The following ELAC2 variants were observed in gnomAD, a reference collection of about 807,000 sequenced individuals.
ELAC2 encodes the protein elaC ribonuclease Z 2.
ELAC2 carries 92 observed loss-of-function variants against 105.2 expected under a neutral mutation model. The observed-to-expected ratio is 0.87, with a 90% CI of 0.74 to 1.04. The LOEUF is 1.04. Among genes scored for constraint, ELAC2 ranks in the 50% least tolerant of loss-of-function variants. The probability of loss-of-function intolerance (pLI) is 0.00; values close to 1 mark genes in which losing one functional copy is unlikely to be tolerated. For missense variants in ELAC2, 1,099 were observed against 1,071.7 expected, an observed-to-expected ratio of 1.03 and a Z score of -0.36; for synonymous variants, 468 against 409.1, an observed-to-expected ratio of 1.14 and a Z score of -1.74.
rs2040937055 is a variant in ELAC2, at chr17:13,003,496, G to A, written c.1062C>T (p.Tyr354=). 6.2e-7 allele frequency: 1 copy of A among 1,614,174 alleles called. No homozygotes were observed. The highest frequency in any genetic ancestry group is 8.5e-7 in the Non-Finnish European group (1 of 1,180,026). The change falls in exon 12 of 24, where the codon TAC becomes TAT. Residue 354 remains tyrosine (Y), a synonymous_variant. Coordinates refer to ENST00000338034, the MANE Select transcript of ELAC2 (RefSeq NM_018127.7). ...APASVLVDSR[Y]QQWMERFGPD... ...CTCCATACCTCTCCATCCACTGCTG[G>A]TACCTGCTGTCCACAAGCACAGATG...
intron 3 of ELAC2, 118 bp downstream of exon 3, chr17:13,016,744 A>C (rs9914909): frequency 2.1e-6 from 2 of 940,924 alleles, no homozygotes; most frequent in African/African-American, 1.9e-5. Flanking sequence ...CACGCCACTG[A>C]CAAAAAAAAA....
intron 9 of ELAC2, 31 bp downstream of exon 9, chr17:13,005,890 A>T (rs1281828183): frequency 6.2e-7 from 1 of 1,614,038 alleles, no homozygotes; most frequent in African/African-American, 1.3e-5. Flanking sequence ...GTACCCAGTG[A>T]GTCCCCAGAA....
In ELAC2 at chr17:13,002,305, A is replaced by G. The variant is rs1452622877; in HGVS notation, c.1273T>C (p.Tyr425His). 2 of 1,614,200 alleles carry G rather than the reference A, an allele frequency of 1.2e-6. No homozygotes were observed. The highest frequency in any genetic ancestry group is 2.2e-5 in the South Asian group (2 of 91,086). Residue 425 changes from tyrosine to histidine, a missense_variant, in exon 14 of 24, where the codon TAC (tyrosine) becomes CAC (histidine). Coordinates refer to ENST00000338034, the MANE Select transcript of ELAC2 (RefSeq NM_018127.7). ...CACTCCCTCCTGGGACGGAGCTGGT[A>G]CTTGAGGAGGCATTCACCCTGAACC... Reference protein sequence around the residue: ...PMVQGECLLKYQLRPRREWQR... With the variant: ...PMVQGECLLKHQLRPRREWQR...
rs572887523 is a variant in ELAC2 at position 13,012,282 on chromosome 17, C to A, written c.560-500G>T. Among the ~76,000 whole-genome samples, 3 of 152,324 alleles carry A rather than the reference C, an allele frequency of 2.0e-5. No homozygotes were observed. The East Asian group carries it at 5.8e-4, about 29-fold the overall frequency. On this transcript the variant is annotated intron_variant, in intron 6 of 23. Transcript: ENST00000338034. ...CAAAACTGAGCATGTTAACATCGAT[C>A]ACGCAAATCACATATGAAAGTTAAC...
At chr17:13,006,574 G>A (rs977486409) in intron 8 of ELAC2, 2 of 159,238 alleles carry the variant, frequency 1.3e-5, no homozygotes, top group Non-Finnish European at 2.8e-5. Flanking sequence ...CAATATGAAA[G>A]TTAATAAATA....
chr17:12,996,903 T>C (rs1413972731), intron 16 of ELAC2, among the ~76,000 whole-genome samples: 1 of 149,920 alleles, frequency 6.7e-6, no homozygotes, highest in Non-Finnish European at 1.5e-5. Context: ...CATGGAACCC[T>C]GAAACCCTTT....
chr17:12,992,676 T>C lies in ELAC2; in HGVS notation c.*142A>G. 1 of 992,216 alleles carries C rather than the reference T, an allele frequency of 1.0e-6. No homozygotes were observed. Among genetic ancestry groups the C allele is most frequent in the Non-Finnish European group, 1.5e-6 (1 of 663,064 alleles). The allele number at this position is 992,216 out of a possible 1,614,324, so 61.5% of individuals were successfully genotyped here. Reference sequence around the variant, plus strand: ...TAGTGCTTATGTGGGAGCCCAAGCCTCGGCACAGCTCCATACCACCTATCC... The same window carrying C: ...TAGTGCTTATGTGGGAGCCCAAGCCCCGGCACAGCTCCATACCACCTATCC... On this transcript the variant is annotated 3_prime_UTR_variant, in exon 24 of 24. Transcript: ENST00000338034.
chr17:13,017,112 G>A lies in ELAC2; in HGVS notation c.255C>T (p.Phe85=). Residue 85 remains phenylalanine (F), a synonymous_variant, in exon 2 of 24, where the codon TTC becomes TTT. Transcript: ENST00000338034. ...GTCTCTGAACGCCTTCTCCACAGTT[G>A]AAGAGATACCTACAAGACAAACATT... The part of the protein sequence containing the change: ...YVFSEFNRYL[F]NCGEGVQRLM... 1 of 1,613,468 alleles carries A rather than the reference G, an allele frequency of 6.2e-7. No individual in the cohort carries two copies. Among genetic ancestry groups the A allele is most frequent in the East Asian group, 2.2e-5 (1 of 44,854 alleles).
intron 17 of ELAC2, 191 bp from the exon 18 acceptor site, chr17:12,996,169 G>A (rs973222241): frequency 1.5e-5 from 11 of 721,102 alleles, no homozygotes; most frequent in Admixed American, 1.1e-4. Flanking sequence ...GGCAGAAAGC[G>A]ACACGACCCG....
intron 4 of ELAC2, 85 bp downstream of exon 4, chr17:13,015,683 G>C: frequency 8.6e-7 from 1 of 1,158,112 alleles, no homozygotes; most frequent in Non-Finnish European, 1.3e-6. Flanking sequence ...GAGGGCAGAA[G>C]ACTGATTTGC....
intron 16 of ELAC2, among the ~76,000 whole-genome samples, chr17:12,997,363 C>A (rs1237414337): frequency 1.3e-5 from 2 of 152,224 alleles, no homozygotes; most frequent in African/African-American, 4.8e-5. Flanking sequence ...CCTTCATTCT[C>A]TGGGAGGAGC....
chr17:13,002,326 G>T lies in ELAC2; in HGVS notation c.1252C>A (p.Gln418Lys), dbSNP rs573355287. 70 of 1,614,180 alleles carry T rather than the reference G, an allele frequency of 4.3e-5. 2 individuals carry two copies. In the South Asian group the frequency reaches 7.6e-4, roughly 17 times the overall value. The change falls in exon 14 of 24, where the codon CAG becomes AAG. Residue 418 changes from glutamine to lysine, a missense_variant. Physicochemically the swap from Gln to Lys is moderately conservative, Grantham distance 53. Transcript: ENST00000338034. ...EGPTLSVPMV[Q>K]GECLLKYQLR... ...TGGTACTTGAGGAGGCATTCACCCT[G>T]AACCATGGGCACACTGAGGGTGGGG...
At chr17:13,001,517 T>TA (rs1244869204) in intron 14 of ELAC2, among the ~76,000 whole-genome samples, 1 of 149,216 alleles carries the variant, frequency 6.7e-6, no homozygotes, top group African/African-American at 2.4e-5. Context: ...ATAAATAAAA[T>TA]AAATAAATTA....
chr17:12,996,126 G>A (rs960448108), intron 17 of ELAC2, 148 bp from the exon 18 acceptor site: 37 of 871,346 alleles, frequency 4.2e-5, no homozygotes, highest in African/African-American at 5.0e-5. Context: ...GGCACAGGCC[G>A]AGCCCCCTGC....
intron 10 of ELAC2, 121 bp downstream of exon 10, chr17:13,005,632 G>A: frequency 1.0e-6 from 1 of 968,648 alleles, no homozygotes; most frequent in Non-Finnish European, 1.7e-6. Context: ...TTAGCTGAGT[G>A]ATGTCCAAAC....
rs943714393 is a variant in ELAC2 at position 12,991,985 on chromosome 17, C to G, written c.*833G>C. On this transcript the variant is annotated 3_prime_UTR_variant, in exon 24 of 24. Coordinates refer to ENST00000338034, the MANE Select transcript of ELAC2 (RefSeq NM_018127.7). ...CCCGTGTGCCATTTCTCAAAACCTT[C>G]GAGGGCAAAGTGATCCTCACTCCTC... Among the ~76,000 whole-genome samples the G allele has an allele frequency of 3.9e-5, 6 of 152,160 alleles. No homozygotes were observed. The highest frequency in any genetic ancestry group is 6.5e-5 in the Admixed American group (1 of 15,278).
At position 13,005,955 on chromosome 17, in the gene ELAC2, A is replaced by T; in HGVS notation, c.763T>A (p.Leu255Met). The part of the protein sequence containing the change: ...CKLHLKRGNF[L>M]VLKAKEMGLP... ...CCCATCTCCTTTGCTTTGAGCACCA[A>T]GAAGTTTCCTCTCTTTAAGTGAAGC... is the stretch of plus-strand genomic sequence containing the variant. The change falls in exon 9 of 24, where the codon TTG (leucine) becomes ATG (methionine). Residue 255 changes from leucine to methionine, a missense_variant. By Grantham distance (15) the Leu-to-Met change is conservative. Coordinates refer to ENST00000338034, the MANE Select transcript of ELAC2 (RefSeq NM_018127.7). The T allele has an allele frequency of 1.2e-6, 2 of 1,614,230 alleles. No individual in the cohort carries two copies. Among genetic ancestry groups the T allele is most frequent in the Non-Finnish European group, 1.7e-6 (2 of 1,180,050 alleles).
Position 12,995,821 on chromosome 17 carries a change from A to G in ELAC2, c.1699-9T>C. 6.2e-7 allele frequency: 1 copy of G among 1,607,290 alleles called. No individual in the cohort carries two copies. Among genetic ancestry groups the G allele is most frequent in the Non-Finnish European group, 8.5e-7 (1 of 1,176,842 alleles). Reference sequence around the variant, plus strand: ...GGCTTTCCCAAAGATGCCTGGAACAAAAAATGCAAGTGCCGACTCGACGAC... The same window carrying G: ...GGCTTTCCCAAAGATGCCTGGAACAGAAAATGCAAGTGCCGACTCGACGAC... On this transcript the variant is annotated splice_polypyrimidine_tract_variant and intron_variant, in intron 18 of 23. Transcript: ENST00000338034.
Position 13,014,419 on chromosome 17 carries a change from A to T in ELAC2, c.490+20T>A, listed in dbSNP as rs2041609594. ...TATAAGTTAGAAATAGCAGAGGATG[A>T]GTCACAGACAAAGACGTACCCAGTT... On this transcript the variant is annotated intron_variant, in intron 5 of 23. Coordinates refer to ENST00000338034, the MANE Select transcript of ELAC2 (RefSeq NM_018127.7). 6.3e-7 allele frequency: 1 copy of T among 1,593,090 alleles called. No homozygotes were observed. The highest frequency in any genetic ancestry group is 2.2e-5 in the East Asian group (1 of 44,750).
Sources: allele counts gnomAD v4.1 joint callset (sites outside exome capture counted in the v4.1 genomes callset), GRCh38; gene constraint gnomAD v4.1.1; transcripts MANE v1.5; gene names NCBI Gene and HGNC (gene_info 2026-07-23, HGNC 2026-07-21).